Variants in IL1RAPL2 observed in about 807,000 individuals in gnomAD.
The protein encoded by IL1RAPL2 is X-linked interleukin-1 receptor accessory protein-like 2.
A neutral mutation model predicts 44.1 loss-of-function variants in IL1RAPL2; 3 were observed. The observed-to-expected ratio is 0.07, with a 90% CI of 0.03 to 0.18. The LOEUF (loss-of-function observed/expected upper bound fraction) is 0.18. Among genes scored for constraint, IL1RAPL2 ranks in the 10% least tolerant of loss-of-function variants. The pLI is 1.00. For missense variants in IL1RAPL2, 391 were observed against 496.4 expected (o/e 0.79, Z 2.02); for synonymous variants, 181 against 178.8 (o/e 1.01, Z -0.10).
intron 4 of IL1RAPL2, among the ~76,000 whole-genome samples, chrX:105,252,614 C>T (rs1302607168): frequency 1.8e-5 from 2 of 111,711 alleles, no homozygotes; most frequent in African/African-American, 6.5e-5. Context: ...CAATGTCTTT[C>T]CTACAGTATA....
intron 3 of IL1RAPL2, among the ~76,000 whole-genome samples, chrX:105,232,933 G>T (rs1367029244): frequency 8.9e-6 from 1 of 111,820 alleles, no homozygotes; most frequent in Middle Eastern, 4.6e-3. Context: ...ACTCTAGTAG[G>T]ATTTCTTCTT....
chrX:104,602,010 T>C (rs1181617331), intron 1 of IL1RAPL2, among the ~76,000 whole-genome samples: 1 of 111,984 alleles, frequency 8.9e-6, no homozygotes, highest in African/African-American at 3.2e-5. Flanking sequence ...AACAGTAGAT[T>C]GGATAAAGAA....
At chrX:104,897,255 T>A (rs924048147) in intron 2 of IL1RAPL2, among the ~76,000 whole-genome samples, 2 of 112,120 alleles carry the variant, frequency 1.8e-5, no homozygotes, top group Admixed American at 1.9e-4. Flanking sequence ...TCTTCACACA[T>A]GCTCCTGGAG....
intron 5 of IL1RAPL2, among the ~76,000 whole-genome samples, chrX:105,284,253 C>A (rs746547252): frequency 2.3e-4 from 26 of 112,115 alleles, no homozygotes; most frequent in African/African-American, 8.1e-4. Flanking sequence ...TTTGGGGGGT[C>A]TTTTCCCCAT....
intron 1 of IL1RAPL2, among the ~76,000 whole-genome samples, chrX:104,638,481 C>A (rs973899753): frequency 2.7e-5 from 3 of 111,457 alleles, no homozygotes; most frequent in African/African-American, 9.8e-5. Flanking sequence ...TCTACTTTTT[C>A]AGTGTAGGCA....
chrX:105,336,668 C>A (rs1055341772), intron 5 of IL1RAPL2, among the ~76,000 whole-genome samples: 8 of 111,957 alleles, frequency 7.1e-5, no homozygotes, highest in Non-Finnish European at 1.3e-4. Flanking sequence ...CTCCTAATTT[C>A]TACCTCTGGC....
At chrX:105,412,405 C>T (rs1484768455) in intron 5 of IL1RAPL2, among the ~76,000 whole-genome samples, 1 of 107,780 alleles carries the variant, frequency 9.3e-6, no homozygotes, top group African/African-American at 3.3e-5. Flanking sequence ...CTTGGTTGGA[C>T]CTGGGGGACA....
chrX:104,849,134 A>G (rs969790650), intron 2 of IL1RAPL2, among the ~76,000 whole-genome samples: 5 of 108,179 alleles, frequency 4.6e-5, no homozygotes, highest in African/African-American at 1.3e-4. Context: ...GGCTCAGGTG[A>G]TGCTCCCACC....
intron 2 of IL1RAPL2, among the ~76,000 whole-genome samples, chrX:104,707,252 G>C (rs918266125): frequency 9.0e-6 from 1 of 111,464 alleles, no homozygotes; most frequent in Admixed American, 9.6e-5. Flanking sequence ...TCAGCAAATC[G>C]AGGTTTTTAG....
intron 1 of IL1RAPL2, among the ~76,000 whole-genome samples, chrX:104,604,003 A>T (rs1474632052): frequency 9.0e-6 from 1 of 111,599 alleles, no homozygotes; most frequent in East Asian, 2.8e-4. Flanking sequence ...ACACATAATC[A>T]TCAGATTCAC....
At chrX:105,015,001 G>A (rs772740511) in intron 2 of IL1RAPL2, among the ~76,000 whole-genome samples, 2 of 111,574 alleles carry the variant, frequency 1.8e-5, no homozygotes, top group Non-Finnish European at 3.8e-5. Context: ...TTTAATGATT[G>A]CCATTCTAAT....
intron 2 of IL1RAPL2, among the ~76,000 whole-genome samples, chrX:104,761,970 T>C (rs1265300313): frequency 1.2e-5 from 1 of 84,767 alleles, no homozygotes; most frequent in Non-Finnish European, 2.3e-5. Context: ...CTTCTTCTTC[T>C]TCTTCTTCTT....
chrX:105,558,359 A>G (rs1472529271), intron 6 of IL1RAPL2, among the ~76,000 whole-genome samples: 3 of 111,742 alleles, frequency 2.7e-5, no homozygotes, highest in African/African-American at 9.7e-5. Flanking sequence ...TGTAAGCAAT[A>G]TACTAGAAGT....
chrX:104,680,624 TA>T (rs1156251092), intron 2 of IL1RAPL2, among the ~76,000 whole-genome samples: 17 of 109,634 alleles, frequency 1.6e-4, no homozygotes, highest in South Asian at 3.9e-4. Context: ...ATGAAGTTAT[TA>T]AAAAAAAACA....
intron 5 of IL1RAPL2, among the ~76,000 whole-genome samples, chrX:105,413,128 A>T (rs2035708814): frequency 8.9e-6 from 1 of 111,897 alleles, no homozygotes; most frequent in Admixed American, 9.5e-5. Context: ...TATTTTATGA[A>T]TTTCTGTCAT....
At chrX:104,755,390 A>T (rs1231521050) in intron 2 of IL1RAPL2, among the ~76,000 whole-genome samples, 13 of 109,680 alleles carry the variant, frequency 1.2e-4, no homozygotes, top group African/African-American at 4.3e-4. Flanking sequence ...CTATCATAAA[A>T]ACAAAAAAAA....
At chrX:105,243,300 C>G (rs1228768806) in intron 4 of IL1RAPL2, among the ~76,000 whole-genome samples, 2 of 108,727 alleles carry the variant, frequency 1.8e-5, no homozygotes, top group Non-Finnish European at 3.8e-5. Flanking sequence ...CTTCCTTGCT[C>G]TCTCTCTCTC....
intron 2 of IL1RAPL2, among the ~76,000 whole-genome samples, chrX:104,876,984 GT>G (rs766680014): frequency 0.051 from 5,568 of 109,795 alleles, 155 homozygotes; most frequent in Middle Eastern, 0.16. Context: ...CCAGTGTTTG[GT>G]TTTTTGTTCT....
At chrX:105,306,387 C>A (rs750833879) in intron 5 of IL1RAPL2, among the ~76,000 whole-genome samples, 13 of 111,461 alleles carry the variant, frequency 1.2e-4, no homozygotes, top group African/African-American at 3.3e-4. Context: ...ATGTTACTTT[C>A]AACTAATCTG....
Sources: allele counts gnomAD v4.1 joint callset (sites outside exome capture counted in the v4.1 genomes callset), GRCh38; gene constraint gnomAD v4.1.1; transcripts MANE v1.5; gene names NCBI Gene and HGNC (gene_info 2026-07-23, HGNC 2026-07-21).